The following POU6F2 variants were observed in gnomAD, a reference collection of about 807,000 sequenced individuals.
The protein encoded by POU6F2 is POU class 6 homeobox 2.
A neutral mutation model predicts 71.3 loss-of-function variants in POU6F2; 31 were observed. The observed-to-expected ratio is 0.43, with a 90% confidence interval of 0.33 to 0.59. POU6F2 has a LOEUF of 0.59. Among genes scored for constraint, POU6F2 ranks in the 20% least tolerant of loss-of-function variants. POU6F2 has a pLI of 0.04. For missense variants in POU6F2, 783 were observed against 856.8 expected, an observed-to-expected ratio of 0.91 and a Z score of 1.07; for synonymous variants, 347 against 355.7, an observed-to-expected ratio of 0.98 and a Z score of 0.27.
At position 39,051,380 on chromosome 7, in the gene POU6F2, G is replaced by T. The variant is rs149264541; in HGVS notation, c.106-34480G>T. ...TTATTTTACAGTATATGTTTGAGTA[G>T]GTTTGGGTAGAAATTGCTGGTGAGG... On this transcript the variant is annotated intron_variant, in intron 1 of 9. Coordinates refer to ENST00000518318, the MANE Select transcript of POU6F2 (RefSeq NM_001370959.1). 2.6e-4 allele frequency among the ~76,000 whole-genome samples: 40 copies of T among 152,158 alleles called. No homozygotes were observed. The East Asian group carries it at 7.4e-3, about 28-fold the overall frequency.
chr7:39,336,747 G>A (rs767063021), intron 4 of POU6F2, among the ~76,000 whole-genome samples: 10 of 152,178 alleles, frequency 6.6e-5, no homozygotes, highest in Non-Finnish European at 1.3e-4. Flanking sequence ...CAGTTTGCCA[G>A]CCATGCCCAC....
chr7:39,400,162 C>T (rs1017677928), intron 5 of POU6F2, among the ~76,000 whole-genome samples: 25 of 152,106 alleles, frequency 1.6e-4, no homozygotes, highest in African/African-American at 5.6e-4. Flanking sequence ...CCAGCCAGGT[C>T]GAATTCTCCT....
chr7:39,420,012 T>C (rs1264684876), intron 6 of POU6F2, among the ~76,000 whole-genome samples: 7 of 152,272 alleles, frequency 4.6e-5, no homozygotes, highest in Non-Finnish European at 1.0e-4. Flanking sequence ...TAGGCTCATT[T>C]AACAACTGTT....
chr7:39,188,757 C>T (rs1793597883), intron 2 of POU6F2, among the ~76,000 whole-genome samples: 1 of 152,218 alleles, frequency 6.6e-6, no homozygotes, highest in South Asian at 2.1e-4. Context: ...TCTGGATAAA[C>T]AACCCGTCTA....
At chr7:39,368,956 T>A (rs1005374850) in intron 5 of POU6F2, among the ~76,000 whole-genome samples, 4 of 152,130 alleles carry the variant, frequency 2.6e-5, no homozygotes, top group African/African-American at 9.7e-5. Flanking sequence ...GGGGTGGAAA[T>A]ATAATAGCAA....
At chr7:39,343,411 A>T (rs1406733959) in intron 5 of POU6F2, among the ~76,000 whole-genome samples, 6 of 71,534 alleles carry the variant, frequency 8.4e-5, no homozygotes, top group Non-Finnish European at 1.6e-4. Context: ...TGATCTAGGT[A>T]AAAAAAAAAA....
intron 2 of POU6F2, among the ~76,000 whole-genome samples, chr7:39,172,415 A>T (rs748252011): frequency 6.6e-6 from 1 of 152,134 alleles, no homozygotes; most frequent in Non-Finnish European, 1.5e-5. Context: ...GGCTTATTCT[A>T]TAGGATTTAT....
chr7:39,114,510 A>T (rs1791888927), intron 2 of POU6F2, among the ~76,000 whole-genome samples: 1 of 152,218 alleles, frequency 6.6e-6, no homozygotes, highest in Non-Finnish European at 1.5e-5. Context: ...ATAAGGTCAC[A>T]TGTGGGGAAA....
chr7:39,122,833 G>T (rs183852053), intron 2 of POU6F2, among the ~76,000 whole-genome samples: 1 of 150,872 alleles, frequency 6.6e-6, no homozygotes, highest in Non-Finnish European at 1.5e-5. Flanking sequence ...TCAGTCTCCC[G>T]AGTAGCTGAG....
rs763598539 is a variant in POU6F2 at position 39,339,676 on chromosome 7, C to G, written c.633C>G (p.Leu211=). Reference sequence around the variant, plus strand: ...CCCTGAACTCCCAGCTCCAGCAGCTCCAGCTCCAGCTCCAGCAGCAGCAGC... The same window carrying G: ...CCCTGAACTCCCAGCTCCAGCAGCTGCAGCTCCAGCTCCAGCAGCAGCAGC... ...TSSLNSQLQQ[L]QLQLQQQQQQ... The change falls in exon 5 of 10, where the codon CTC becomes CTG. Residue 211 remains leucine, a synonymous_variant. Transcript: ENST00000518318. 12 of 1,599,474 alleles carry G rather than the reference C, an allele frequency of 7.5e-6. No individual in the cohort carries two copies. The highest frequency in any genetic ancestry group is 3.3e-5 in the Admixed American group (2 of 59,828).
chr7:39,000,899 C>T (rs1788885864), intron 1 of POU6F2, among the ~76,000 whole-genome samples: 1 of 152,112 alleles, frequency 6.6e-6, no homozygotes, highest in African/African-American at 2.4e-5. Context: ...AAATGACCTG[C>T]CCAGTGTTGT....
chr7:39,447,431 T>G (rs925652678), intron 7 of POU6F2, among the ~76,000 whole-genome samples: 1 of 151,976 alleles, frequency 6.6e-6, no homozygotes, highest in Non-Finnish European at 1.5e-5. Flanking sequence ...GTGGAAGGAG[T>G]GCTGGCTCTT....
At chr7:38,991,680 C>A (rs755926308) in intron 1 of POU6F2, among the ~76,000 whole-genome samples, 1 of 152,128 alleles carries the variant, frequency 6.6e-6, no homozygotes, top group Non-Finnish European at 1.5e-5. Context: ...CTGGACAATT[C>A]CTTCCAGCCA....
intron 4 of POU6F2, among the ~76,000 whole-genome samples, chr7:39,299,017 G>A (rs902350887): frequency 3.3e-5 from 5 of 151,974 alleles, no homozygotes; most frequent in African/African-American, 1.2e-4. Context: ...GGGGTGGGGA[G>A]TAAGGGGAGG....
intron 6 of POU6F2, among the ~76,000 whole-genome samples, chr7:39,413,787 TATAAAGATAAAACA>T (rs1268003635): frequency 6.6e-6 from 1 of 152,242 alleles, no homozygotes; most frequent in African/African-American, 2.4e-5. Flanking sequence ...TCATCTGAGT[TATAAAGATAAAACA>T]ATAAACCTCA....
intron 4 of POU6F2, among the ~76,000 whole-genome samples, chr7:39,259,583 T>C (rs948167228): frequency 6.6e-6 from 1 of 152,116 alleles, no homozygotes; most frequent in African/African-American, 2.4e-5. Flanking sequence ...GTTGCCCTCC[T>C]GGAGTCAAAG....
At chr7:39,315,154 C>T (rs1421997473) in intron 4 of POU6F2, among the ~76,000 whole-genome samples, 1 of 152,170 alleles carries the variant, frequency 6.6e-6, no homozygotes, top group Non-Finnish European at 1.5e-5. Context: ...CTATGTACAG[C>T]TATGTATAGG....
At chr7:39,225,747 T>C (rs1234987159) in intron 4 of POU6F2, among the ~76,000 whole-genome samples, 1 of 152,238 alleles carries the variant, frequency 6.6e-6, no homozygotes, top group Non-Finnish European at 1.5e-5. Flanking sequence ...ACATGCTGTG[T>C]ATGTAATAGA....
chr7:38,995,343 G>A (rs1304632971), intron 1 of POU6F2, among the ~76,000 whole-genome samples: 1 of 152,130 alleles, frequency 6.6e-6, no homozygotes, highest in Admixed American at 6.5e-5. Flanking sequence ...CCACTCTCTG[G>A]CATTTGTTTC....
Sources: gnomAD v4.1 joint callset for allele counts (sites outside exome capture counted in the v4.1 genomes callset) on GRCh38, gnomAD v4.1.1 for gene constraint, MANE v1.5 for transcripts, NCBI Gene and HGNC (gene_info 2026-07-23, HGNC 2026-07-21) for gene names.